PTPRJ: variants seen among roughly 807,000 people sequenced by gnomAD.
PTPRJ encodes the protein protein tyrosine phosphatase receptor type J.
PTPRJ carries 129 observed loss-of-function variants against 141.3 expected under a neutral mutation model. The ratio of observed to expected loss-of-function variants is 0.91; its 90% CI spans 0.79 to 1.06. PTPRJ has a LOEUF of 1.06. PTPRJ is among the 50% of genes least tolerant of loss of function. The probability of loss-of-function intolerance (pLI) is 0.00; values close to 1 mark genes in which losing one functional copy is unlikely to be tolerated. For synonymous variants in PTPRJ, 610 were observed against 640.5 expected (o/e 0.95, Z 0.72); for missense variants, 1,601 against 1,679.7 (o/e 0.95, Z 0.82).
rs370529505 is a variant in PTPRJ at position 48,125,012 on chromosome 11, C to G, written c.919C>G (p.Pro307Ala). ...AAGCCGGGCAGGGAGCCCCACCGCCCCTGTGCATGATGAGTCCCTCGTGGG... is the reference window on the plus strand; with the variant it reads ...AAGCCGGGCAGGGAGCCCCACCGCCGCTGTGCATGATGAGTCCCTCGTGGG... ...ERSRAGSPTA[P>A]VHDESLVGPV... The change falls in exon 6 of 25, where the codon CCT (proline) becomes GCT (alanine). Residue 307 changes from proline (P) to alanine (A), a missense_variant. Transcript: ENST00000418331. 5.6e-6 allele frequency: 9 copies of G among 1,614,038 alleles called. No homozygotes were observed. In the African/African-American group the frequency reaches 9.3e-5, roughly 17 times the overall value.
intron 1 of PTPRJ, among the ~76,000 whole-genome samples, chr11:48,054,879 A>C (rs1483862300): frequency 6.7e-6 from 1 of 150,266 alleles, no homozygotes; most frequent in African/African-American, 2.5e-5. Context: ...GAGTAACTGA[A>C]GGGGGGTATA....
intron 1 of PTPRJ, among the ~76,000 whole-genome samples, chr11:48,074,895 C>T (rs1204105906): frequency 6.6e-6 from 1 of 152,074 alleles, no homozygotes; most frequent in Admixed American, 6.6e-5. Context: ...AAGAATCTCA[C>T]CTCCAAAAAT....
intron 1 of PTPRJ, among the ~76,000 whole-genome samples, chr11:47,992,146 C>A (rs2134179944): frequency 6.6e-6 from 1 of 151,846 alleles, no homozygotes; most frequent in East Asian, 1.9e-4. Flanking sequence ...GAATAATAAT[C>A]ATGTACGTTC....
chr11:48,139,010 G>A (rs1857169471), intron 10 of PTPRJ, among the ~76,000 whole-genome samples: 1 of 152,204 alleles, frequency 6.6e-6, no homozygotes, highest in Non-Finnish European at 1.5e-5. Context: ...GTGCATGCCT[G>A]TAGTCCCAGC....
intron 1 of PTPRJ, among the ~76,000 whole-genome samples, chr11:48,076,632 C>T (rs1316493596): frequency 6.6e-6 from 1 of 152,078 alleles, no homozygotes; most frequent in Non-Finnish European, 1.5e-5. Flanking sequence ...GCCACTGAAG[C>T]CTGTAGGAAT....
intron 1 of PTPRJ, chr11:48,015,984 A>G (rs1177572481): frequency 1.3e-5 from 2 of 152,056 alleles, no homozygotes; most frequent in African/African-American, 4.8e-5. Context: ...CAACATACTC[A>G]GTGCCTTTCT....
chr11:47,995,198 C>A (rs1302786876), intron 1 of PTPRJ, among the ~76,000 whole-genome samples: 1 of 152,076 alleles, frequency 6.6e-6, no homozygotes, highest in African/African-American at 2.4e-5. Flanking sequence ...TGGTGATTGC[C>A]TTAAGATAAA....
chr11:48,111,280 C>CAAA (rs10554961), intron 2 of PTPRJ, among the ~76,000 whole-genome samples: 30 of 67,242 alleles, frequency 4.5e-4, no homozygotes, highest in African/African-American at 1.5e-3. Flanking sequence ...AACTCCATCT[C>CAAA]AAAAAAAAAA....
At chr11:48,096,035 C>A (rs1019488564) in intron 1 of PTPRJ, among the ~76,000 whole-genome samples, 1 of 152,212 alleles carries the variant, frequency 6.6e-6, no homozygotes, top group Non-Finnish European at 1.5e-5. Context: ...GGGGCAGAGA[C>A]TCAAACTCAG....
chr11:48,118,630 T>C (rs1856626360), intron 3 of PTPRJ, among the ~76,000 whole-genome samples: 1 of 152,096 alleles, frequency 6.6e-6, no homozygotes, highest in South Asian at 2.1e-4. Context: ...TTCCTAGAAA[T>C]ACAAAAAGGG....
intron 1 of PTPRJ, among the ~76,000 whole-genome samples, chr11:48,023,781 C>G (rs774197157): frequency 1.4e-5 from 2 of 145,044 alleles, no homozygotes; most frequent in Non-Finnish European, 3.0e-5. Context: ...GACTCGGACT[C>G]AAAAATAAAT....
chr11:48,125,289 T>G (rs1856808149), intron 6 of PTPRJ, 103 bp downstream of exon 6: 4 of 1,324,536 alleles, frequency 3.0e-6, no homozygotes, highest in Non-Finnish European at 4.2e-6. Context: ...ACAGCTAGTT[T>G]TGATGTCAGA....
chr11:48,109,188 A>T (rs1221775184), intron 1 of PTPRJ, among the ~76,000 whole-genome samples: 1 of 152,060 alleles, frequency 6.6e-6, no homozygotes, highest in East Asian at 1.9e-4. Flanking sequence ...GCTGTGGCTG[A>T]GTTTGAATTT....
intron 1 of PTPRJ, among the ~76,000 whole-genome samples, chr11:48,042,206 A>G (rs1487514125): frequency 2.0e-5 from 3 of 152,100 alleles, no homozygotes; most frequent in Non-Finnish European, 4.4e-5. Context: ...GTTATGTTAT[A>G]AGGGGTCTCT....
At chr11:48,090,222 A>C (rs1855831852) in intron 1 of PTPRJ, among the ~76,000 whole-genome samples, 1 of 152,124 alleles carries the variant, frequency 6.6e-6, no homozygotes, top group Admixed American at 6.5e-5. Flanking sequence ...GTGCATCCTT[A>C]GCTGATGAAT....
At chr11:48,161,712 A>G (rs749704667) in intron 22 of PTPRJ, among the ~76,000 whole-genome samples, 8 of 152,050 alleles carry the variant, frequency 5.3e-5, no homozygotes, top group Non-Finnish European at 1.0e-4. Flanking sequence ...TCTCGGGTCC[A>G]AGTGATTCTC....
At chr11:48,032,373 T>G (rs1392378909) in intron 1 of PTPRJ, among the ~76,000 whole-genome samples, 2 of 152,216 alleles carry the variant, frequency 1.3e-5, no homozygotes, top group East Asian at 1.9e-4. Context: ...TCAGTTGGGC[T>G]TCAATACTTC....
intron 1 of PTPRJ, among the ~76,000 whole-genome samples, chr11:48,030,748 T>C (rs1853958059): frequency 6.6e-6 from 1 of 151,854 alleles, no homozygotes; most frequent in South Asian, 2.1e-4. Context: ...GTCTCAAAAA[T>C]AAATAAATAA....
At chr11:48,166,667 A>G (rs1012718210) in intron 24 of PTPRJ, among the ~76,000 whole-genome samples, 2 of 151,896 alleles carry the variant, frequency 1.3e-5, no homozygotes, top group Admixed American at 1.3e-4. Flanking sequence ...TCCTCTTATA[A>G]TATCATGGAT....
Sources: gnomAD v4.1 joint callset for allele counts (sites outside exome capture counted in the v4.1 genomes callset) on GRCh38, gnomAD v4.1.1 for gene constraint, MANE v1.5 for transcripts, NCBI Gene and HGNC (gene_info 2026-07-23, HGNC 2026-07-21) for gene names.